PIK3R3: variants seen among roughly 807,000 people sequenced by gnomAD.
The protein encoded by PIK3R3 is phosphoinositide-3-kinase regulatory subunit 3.
PIK3R3 carries 64 observed loss-of-function variants against 62.9 expected under a neutral mutation model. The ratio of observed to expected loss-of-function variants is 1.02; its 90% CI spans 0.83 to 1.25. The LOEUF is 1.25. Among genes scored for constraint, PIK3R3 ranks in the 50% most tolerant of loss-of-function variants. The pLI is 0.00. For missense variants in PIK3R3, 614 were observed against 561.6 expected (o/e 1.09, Z -0.94); for synonymous variants, 165 against 189.0 (o/e 0.87, Z 1.04).
intron 2 of PIK3R3, among the ~76,000 whole-genome samples, chr1:46,080,064 C>T (rs1344662721): frequency 1.4e-5 from 2 of 140,844 alleles, no homozygotes; most frequent in Non-Finnish European, 3.1e-5. Flanking sequence ...TTTTTCTTTT[C>T]TTTTTTTTTT....
Position 46,040,381 on chromosome 1 carries a change from CAG to C in PIK3R3, c.*3290_*3291del. The C allele has an allele frequency of 4.3e-6, 1 of 231,320 alleles. No individual in the cohort carries two copies. The highest frequency in any genetic ancestry group is 8.6e-6 in the Non-Finnish European group (1 of 116,676). 14.3% of individuals were successfully genotyped at this position (231,320 alleles called of 1,614,324 possible). ...ACATACAGTTGGCTTTCTTGTGAGT[CAG>C]ATATTTTTACGTAAACTACACGAAT... On this transcript the variant is annotated 3_prime_UTR_variant, in exon 10 of 10. Coordinates refer to ENST00000262741, the MANE Select transcript of PIK3R3 (RefSeq NM_003629.4).
chr1:46,161,822 G>T, the PIK3R3 span, among the ~76,000 whole-genome samples: 1 of 152,240 alleles, frequency 6.6e-6, no homozygotes, highest in Non-Finnish European at 1.5e-5. Flanking sequence ...GCCAGGCACG[G>T]TGGCTCAAGC....
At chr1:46,131,782 A>G in intron 1 of PIK3R3, 65 bp downstream of exon 1, 3 of 1,495,018 alleles carry the variant, frequency 2.0e-6, no homozygotes, top group Non-Finnish European at 1.9e-6. Context: ...TGAAAACATC[A>G]GCAAGCTCTT....
intron 2 of PIK3R3, among the ~76,000 whole-genome samples, chr1:46,079,637 GAAGT>G (rs1230660201): frequency 6.6e-6 from 1 of 152,154 alleles, no homozygotes; most frequent in East Asian, 1.9e-4. Context: ...TATAGTATTA[GAAGT>G]AATAATCACA....
chr1:46,107,317 C>G (rs1653313461), intron 1 of PIK3R3, among the ~76,000 whole-genome samples: 1 of 152,026 alleles, frequency 6.6e-6, no homozygotes, highest in Non-Finnish European at 1.5e-5. Flanking sequence ...GAGATCATGC[C>G]ACTGCACTCC....
At chr1:46,105,454 A>C (rs1653114173) in intron 1 of PIK3R3, among the ~76,000 whole-genome samples, 1 of 151,884 alleles carries the variant, frequency 6.6e-6, no homozygotes, top group South Asian at 2.1e-4. Flanking sequence ...CGGTAAGCCA[A>C]GATCACGCCA....
At chr1:46,063,209 T>C (rs896602838) in intron 5 of PIK3R3, among the ~76,000 whole-genome samples, 19 of 152,088 alleles carry the variant, frequency 1.2e-4, no homozygotes, top group Non-Finnish European at 2.5e-4. Context: ...AGAACTGAGA[T>C]AGAGGAAGAA....
At chr1:46,092,801 A>G (rs1390196547) in intron 1 of PIK3R3, among the ~76,000 whole-genome samples, 1 of 96,912 alleles carries the variant, frequency 1.0e-5, no homozygotes, top group Non-Finnish European at 2.2e-5. Flanking sequence ...CTTTCTTTCT[A>G]TCCCATACTG....
At chr1:46,144,178 G>A in the PIK3R3 span, among the ~76,000 whole-genome samples, 1 of 152,196 alleles carries the variant, frequency 6.6e-6, no homozygotes, top group South Asian at 2.1e-4. Context: ...TCAATCTCTG[G>A]AGGTATTATG....
At chr1:46,090,800 G>C (rs944190708) in intron 1 of PIK3R3, among the ~76,000 whole-genome samples, 1 of 152,116 alleles carries the variant, frequency 6.6e-6, no homozygotes, top group Non-Finnish European at 1.5e-5. Flanking sequence ...GTGCTACTGA[G>C]GATTTCTTTC....
chr1:46,123,185 A>G lies in PIK3R3; in HGVS notation c.106+8662T>C, dbSNP rs960242872. 2.6e-5 allele frequency among the ~76,000 whole-genome samples: 4 copies of G among 152,356 alleles called. No individual in the cohort carries two copies. In the East Asian group the frequency reaches 7.7e-4, roughly 29 times the overall value. On this transcript the variant is annotated intron_variant, in intron 1 of 9. Transcript: ENST00000262741. ...TGAAATAATTATCATAATATAACAC[A>G]TGATTCCAAGTCAAAATAACAGAGA...
intron 1 of PIK3R3, among the ~76,000 whole-genome samples, chr1:46,085,952 C>T (rs1651010666): frequency 6.6e-6 from 1 of 152,130 alleles, no homozygotes; most frequent in Admixed American, 6.6e-5. Context: ...GTTGCCCAAG[C>T]TGGTCTCGAT....
intron 1 of PIK3R3, among the ~76,000 whole-genome samples, chr1:46,119,773 ATTTTTTTTT>A (rs749113212): frequency 0.039 from 4,868 of 124,340 alleles, 283 homozygotes; most frequent in African/African-American, 0.13. Context: ...CCAACTCCTA[ATTTTTTTTT>A]TTTTTTTTTT....
chr1:46,165,543 T>C, the PIK3R3 span, among the ~76,000 whole-genome samples: 1 of 151,696 alleles, frequency 6.6e-6, no homozygotes, highest in Non-Finnish European at 1.5e-5. Context: ...CGACCTCAGA[T>C]GATCCGCCGT....
chr1:46,054,997 G>A (rs1647742086), intron 7 of PIK3R3, among the ~76,000 whole-genome samples: 2 of 152,076 alleles, frequency 1.3e-5, no homozygotes, highest in South Asian at 4.2e-4. Context: ...CTGCCTCCCA[G>A]GTTCAAGCGA....
rs148796666 is a variant in PIK3R3 at position 46,083,027 on chromosome 1, C to T, written c.107-2277G>A. ...CCGGGAGGCAGAGGTTGCAGTGAGC[C>T]GAGATTGCACCACTGCACTCCAGCC... On this transcript the variant is annotated intron_variant, in intron 1 of 9. Transcript: ENST00000262741. 8.7e-4 allele frequency among the ~76,000 whole-genome samples: 132 copies of T among 152,056 alleles called. 2 individuals are homozygous for T. In the East Asian group the frequency reaches 0.02, roughly 23 times the overall value.
chr1:46,097,274 T>C (rs185109986), intron 1 of PIK3R3, among the ~76,000 whole-genome samples: 1 of 152,268 alleles, frequency 6.6e-6, no homozygotes, highest in East Asian at 1.9e-4. Flanking sequence ...CCAGGTGCAG[T>C]AGCTCACATC....
chr1:46,117,037 A>G (rs185232563), intron 1 of PIK3R3, among the ~76,000 whole-genome samples: 2 of 152,324 alleles, frequency 1.3e-5, no homozygotes, highest in East Asian at 3.8e-4. Context: ...AGTAAAATGA[A>G]ACATGTATGG....
chr1:46,086,384 A>C (rs1376637451), intron 1 of PIK3R3, among the ~76,000 whole-genome samples: 1 of 152,126 alleles, frequency 6.6e-6, no homozygotes, highest in Middle Eastern at 3.2e-3. Flanking sequence ...TGAAGCCAGA[A>C]GTTCGAACCC....
Sources: allele counts gnomAD v4.1 joint callset (sites outside exome capture counted in the v4.1 genomes callset), GRCh38; gene constraint gnomAD v4.1.1; transcripts MANE v1.5; gene names NCBI Gene and HGNC (gene_info 2026-07-23, HGNC 2026-07-21).